SLCO1B1: variants seen among roughly 807,000 people sequenced by gnomAD.
SLCO1B1 encodes the protein solute carrier organic anion transporter family member 1B1.
Under a neutral mutation model 70.1 loss-of-function variants are expected in SLCO1B1, and 81 were observed. The observed-to-expected ratio is 1.16, with a 90% CI of 0.97 to 1.39. The LOEUF (loss-of-function observed/expected upper bound fraction) is 1.39. Among genes scored for constraint, SLCO1B1 ranks in the 40% most tolerant of loss-of-function variants. The pLI is 0.00. For missense variants in SLCO1B1, 895 were observed against 799.6 expected (o/e 1.12, Z -1.44); for synonymous variants, 283 against 271.5 (o/e 1.04, Z -0.42).
At chr12:21,210,328 A>C (rs1352825499) in intron 11 of SLCO1B1, among the ~76,000 whole-genome samples, 2 of 126,768 alleles carry the variant, frequency 1.6e-5, no homozygotes, top group African/African-American at 6.2e-5. Context: ...TCCTTTCCCC[A>C]TTGCTTGTTT....
chr12:21,224,758 T>G lies in SLCO1B1; in HGVS notation c.1784T>G (p.Ile595Ser), dbSNP rs139026094. 9 of 1,612,356 alleles carry G rather than the reference T, an allele frequency of 5.6e-6. No homozygotes were observed. Among genetic ancestry groups the G allele is most frequent in the Non-Finnish European group, 7.6e-6 (9 of 1,178,954 alleles). Residue 595 changes from isoleucine to serine, a missense_variant, in exon 14 of 15, where the codon ATT becomes AGT. Ile to Ser is a moderately radical substitution (Grantham distance 142). Coordinates refer to ENST00000256958, the MANE Select transcript of SLCO1B1 (RefSeq NM_006446.5). ...GCTCCAATATATTTTGGGGCTCTGA[T>G]TGATACAACGTGTATAAAGTGGTCC... ...ILAPIYFGAL[I>S]DTTCIKWSTN...
intron 1 of SLCO1B1, among the ~76,000 whole-genome samples, chr12:21,132,888 T>A (rs1202532333): frequency 1.3e-5 from 2 of 152,190 alleles, no homozygotes; most frequent in Non-Finnish European, 2.9e-5. Context: ...TTTGGTGTTT[T>A]AGACATGAAG....
At chr12:21,149,067 T>C (rs1433586273) in intron 2 of SLCO1B1, among the ~76,000 whole-genome samples, 1 of 152,186 alleles carries the variant, frequency 6.6e-6, no homozygotes, top group African/African-American at 2.4e-5. Flanking sequence ...TTTTACACAT[T>C]GATTTTGTAT....
At chr12:21,221,177 C>T (rs1262202549) in intron 12 of SLCO1B1, among the ~76,000 whole-genome samples, 1 of 152,030 alleles carries the variant, frequency 6.6e-6, no homozygotes, top group African/African-American at 2.4e-5. Flanking sequence ...ATAATAAAAG[C>T]TATGTATGAC....
rs972134088 is a variant in SLCO1B1 at position 21,200,607 on chromosome 12, C to G, written c.1070C>G (p.Thr357Ser). The change falls in exon 9 of 15, where the codon ACT becomes AGT. Residue 357 changes from threonine (T) to serine (S), a missense_variant. Transcript: ENST00000256958. ...GTAAGCAGCTATATTGGTGCTTTTACTTATGTCTTCAAATACGTAGAGCAA... is the reference window on the plus strand; with the variant it reads ...GTAAGCAGCTATATTGGTGCTTTTAGTTATGTCTTCAAATACGTAGAGCAA... Reference protein sequence around the residue: ...LQVSSYIGAFTYVFKYVEQQY... With the variant: ...LQVSSYIGAFSYVFKYVEQQY... 1.9e-6 allele frequency: 3 copies of G among 1,611,976 alleles called. No individual in the cohort carries two copies. The highest frequency in any genetic ancestry group is 2.5e-6 in the Non-Finnish European group (3 of 1,178,766).
intron 2 of SLCO1B1, among the ~76,000 whole-genome samples, chr12:21,149,641 A>G (rs1309105849): frequency 6.6e-6 from 1 of 152,078 alleles, no homozygotes; most frequent in African/African-American, 2.4e-5. Flanking sequence ...GCCACGAGGG[A>G]CTGTGCCCTG....
intron 2 of SLCO1B1, among the ~76,000 whole-genome samples, chr12:21,152,533 C>CTTGTTTTTTTTTTTT (rs1940485091): frequency 5.8e-5 from 2 of 34,356 alleles, no homozygotes; most frequent in Admixed American, 5.7e-4. Flanking sequence ...AGAGGAGAGG[C>CTTGTTTTTTTTTTTT]TTTTTTTTTT....
intron 7 of SLCO1B1, among the ~76,000 whole-genome samples, chr12:21,193,226 T>C (rs186398550): frequency 6.6e-6 from 1 of 152,290 alleles, no homozygotes; most frequent in East Asian, 1.9e-4. Flanking sequence ...GTCTATAATG[T>C]TGTTGAAGTC....
At chr12:21,173,843 C>T (rs1940786475) in intron 3 of SLCO1B1, among the ~76,000 whole-genome samples, 1 of 150,060 alleles carries the variant, frequency 6.7e-6, no homozygotes, top group South Asian at 2.1e-4. Context: ...TGCGATCTCC[C>T]CTCACTGCAA....
intron 11 of SLCO1B1, among the ~76,000 whole-genome samples, chr12:21,214,853 T>G (rs1423721098): frequency 6.6e-6 from 1 of 152,024 alleles, no homozygotes; most frequent in Non-Finnish European, 1.5e-5. Flanking sequence ...CCCCTTTCTT[T>G]GACTGGGAAA....
rs1045537115 is a variant in SLCO1B1 at position 21,143,175 on chromosome 12, C to T, written c.84+1517C>T. ...AGTTGAGGTTTGTTGCATTTCTGAG[C>T]TTACTTTTTATTCATGAGAAATGAA... is the stretch of plus-strand genomic sequence containing the variant. On this transcript the variant is annotated intron_variant, in intron 2 of 14. Coordinates refer to ENST00000256958, the MANE Select transcript of SLCO1B1 (RefSeq NM_006446.5). Among the ~76,000 whole-genome samples, 9 of 152,062 alleles carry T rather than the reference C, an allele frequency of 5.9e-5. No homozygotes were observed. The East Asian group carries it at 1.5e-3, about 26-fold the overall frequency.
chr12:21,134,589 C>T (rs1940190484), intron 1 of SLCO1B1, among the ~76,000 whole-genome samples: 1 of 152,140 alleles, frequency 6.6e-6, no homozygotes, highest in Admixed American at 6.5e-5. Flanking sequence ...GGAATTTATC[C>T]ATTTCTGCTA....
intron 14 of SLCO1B1, among the ~76,000 whole-genome samples, chr12:21,236,242 C>T (rs1185244810): frequency 6.6e-6 from 1 of 152,024 alleles, no homozygotes; most frequent in African/African-American, 2.4e-5. Context: ...GCTACAGTCC[C>T]CACTCTTTTA....
At chr12:21,213,358 A>C (rs1024715540) in intron 11 of SLCO1B1, among the ~76,000 whole-genome samples, 7 of 152,160 alleles carry the variant, frequency 4.6e-5, no homozygotes, top group African/African-American at 7.2e-5. Context: ...TTCTGGGTTG[A>C]AAATTCTTGT....
chr12:21,207,254 A>T (rs1941225273), intron 11 of SLCO1B1, among the ~76,000 whole-genome samples: 1 of 151,960 alleles, frequency 6.6e-6, no homozygotes, highest in Admixed American at 6.6e-5. Flanking sequence ...AGTGAGCATA[A>T]TACCCAATAA....
intron 7 of SLCO1B1, among the ~76,000 whole-genome samples, chr12:21,192,828 A>T (rs1941046073): frequency 6.6e-6 from 1 of 152,036 alleles, no homozygotes; most frequent in African/African-American, 2.4e-5. Flanking sequence ...AATTTACCCT[A>T]CAAATGTAGA....
intron 14 of SLCO1B1, among the ~76,000 whole-genome samples, chr12:21,234,608 G>C (rs1026295527): frequency 1.3e-5 from 2 of 152,050 alleles, no homozygotes; most frequent in African/African-American, 4.8e-5. Flanking sequence ...GAAGCAAGAT[G>C]GAGTTGGTTA....
chr12:21,154,025 G>A lies in SLCO1B1; in HGVS notation c.84+12367G>A, dbSNP rs562284806. Among the ~76,000 whole-genome samples the A allele has an allele frequency of 8.6e-5, 13 of 151,850 alleles. No individual in the cohort carries two copies. In the South Asian group the frequency reaches 2.5e-3, roughly 29 times the overall value. On this transcript the variant is annotated intron_variant, in intron 2 of 14. Coordinates refer to ENST00000256958, the MANE Select transcript of SLCO1B1 (RefSeq NM_006446.5). The stretch of plus-strand genomic sequence containing the variant: ...TAAACTAGCAATTTTCTACACTTAT[G>A]TTTATTGTATCTATTGATATAGTTA...
rs560121183 is a variant in SLCO1B1 at position 21,189,004 on chromosome 12, C to T, written c.728-7942C>T. ...ATGTCTATACAATATTTTCTTTATC[C>T]ATTTATCCCTCAGCAGACATGAGGT... On this transcript the variant is annotated intron_variant, in intron 7 of 14. Coordinates refer to ENST00000256958, the MANE Select transcript of SLCO1B1 (RefSeq NM_006446.5). 6.2e-4 allele frequency among the ~76,000 whole-genome samples: 94 copies of T among 152,170 alleles called. 1 individual carries two copies. Among genetic ancestry groups the T allele is most frequent in the African/African-American group, 2.2e-3 (91 of 41,508 alleles).
Sources: gnomAD v4.1 joint callset for allele counts (sites outside exome capture counted in the v4.1 genomes callset) on GRCh38, gnomAD v4.1.1 for gene constraint, MANE v1.5 for transcripts, NCBI Gene and HGNC (gene_info 2026-07-23, HGNC 2026-07-21) for gene names.